Variants in APPL2 observed in about 807,000 individuals in gnomAD.
APPL2 encodes the protein adaptor protein, phosphotyrosine interacting with PH domain and leucine zipper 2, also known as DCC-interacting protein 13-beta.
Under a neutral mutation model 92.7 loss-of-function variants are expected in APPL2, and 84 were observed. The ratio of observed to expected loss-of-function variants is 0.91; its 90% CI spans 0.76 to 1.09. APPL2 has a LOEUF of 1.09. Ranked by LOEUF, APPL2 falls within the 50% of genes least tolerant of loss-of-function variation. The pLI is 0.00. For missense variants in APPL2, 736 were observed against 824.5 expected (o/e 0.89, Z 1.31); for synonymous variants, 291 against 291.0 (o/e 1.00, Z 0.00).
chr12:105,216,154 G>C (rs1263684210), intron 4 of APPL2, among the ~76,000 whole-genome samples: 1 of 152,080 alleles, frequency 6.6e-6, no homozygotes, highest in African/African-American at 2.4e-5. Context: ...TATAATACCT[G>C]GTTTCGTTTT....
intron 5 of APPL2, among the ~76,000 whole-genome samples, chr12:105,210,845 C>T (rs1889152991): frequency 6.6e-6 from 1 of 152,162 alleles, no homozygotes; most frequent in Non-Finnish European, 1.5e-5. Flanking sequence ...CCAAGAACAG[C>T]ATGACTTTAC....
chr12:105,205,276 T>C (rs367781053), intron 8 of APPL2, among the ~76,000 whole-genome samples: 48 of 152,318 alleles, frequency 3.2e-4, no homozygotes, highest in Middle Eastern at 3.4e-3. Flanking sequence ...TTAAAAATAA[T>C]GCATAGGGAA....
At chr12:105,186,622 T>TATATGATATATATGATATCG (rs1886641727) in intron 17 of APPL2, among the ~76,000 whole-genome samples, 5 of 125,678 alleles carry the variant, frequency 4.0e-5, no homozygotes, top group South Asian at 2.5e-4. Context: ...ATATCATATA[T>TATATGATATATATGATATCG]ATATCATATA....
chr12:105,195,680 G>A (rs1887578900), intron 11 of APPL2, 53 bp from the exon 12 acceptor site: 2 of 1,595,296 alleles, frequency 1.3e-6, no homozygotes, highest in Non-Finnish European at 1.7e-6. Context: ...CAGTGACTGG[G>A]AATTTCTCTA....
intron 9 of APPL2, among the ~76,000 whole-genome samples, chr12:105,201,806 G>GT (rs1237671338): frequency 4.6e-5 from 7 of 152,142 alleles, no homozygotes; most frequent in Admixed American, 3.3e-4. Flanking sequence ...TCACTATAGG[G>GT]TTAGGGAATA....
At chr12:105,175,753 A>G (rs1885472867) in intron 20 of APPL2, among the ~76,000 whole-genome samples, 1 of 95,370 alleles carries the variant, frequency 1.0e-5, no homozygotes, top group Non-Finnish European at 2.1e-5. Flanking sequence ...GTGGGTACTT[A>G]TCTATCATCT....
At chr12:105,218,557 A>G (rs1320810874) in intron 2 of APPL2, among the ~76,000 whole-genome samples, 2 of 152,238 alleles carry the variant, frequency 1.3e-5, no homozygotes, top group Non-Finnish European at 2.9e-5. Context: ...GGAGGCGCCA[A>G]CACGTGGAAG....
rs930090554 is a variant in APPL2, at chr12:105,203,533, T to C, written c.704+170A>G. On this transcript the variant is annotated intron_variant, in intron 9 of 20. Coordinates refer to ENST00000258530, the MANE Select transcript of APPL2 (RefSeq NM_018171.5). ...AAACTCTGCCAATGTGCCCCAGATA[T>C]TTATGAATATTGGCAGCTAAGGCAA... is the stretch of plus-strand genomic sequence containing the variant. The C allele has an allele frequency of 4.7e-6, 3 of 635,224 alleles. No individual in the cohort carries two copies. In the African/African-American group the frequency reaches 5.5e-5, roughly 12 times the overall value. 39.3% of individuals were successfully genotyped at this position (635,224 alleles called of 1,614,324 possible).
chr12:105,199,660 C>T lies in APPL2; in HGVS notation c.705-129G>A. On this transcript the variant is annotated intron_variant, in intron 9 of 20. Coordinates refer to ENST00000258530, the MANE Select transcript of APPL2 (RefSeq NM_018171.5). ...TACAGATGGAGCTGCCAGCCTCCTA[C>T]AGGGCCACAACCCTCTACCCTTAGG... 7 of 952,070 alleles carry T rather than the reference C, an allele frequency of 7.4e-6. No individual in the cohort carries two copies. The South Asian group carries it at 1.0e-4, about 14-fold the overall frequency. 59.0% of individuals were successfully genotyped at this position (952,070 alleles called of 1,614,324 possible).
intron 20 of APPL2, among the ~76,000 whole-genome samples, chr12:105,175,572 A>G (rs752342529): frequency 2.0e-5 from 3 of 152,326 alleles, no homozygotes; most frequent in Non-Finnish European, 2.9e-5. Context: ...GTCTTGTTCA[A>G]TTACACAAAC....
At chr12:105,215,963 C>G (rs899620927) in intron 4 of APPL2, among the ~76,000 whole-genome samples, 2 of 151,994 alleles carry the variant, frequency 1.3e-5, no homozygotes, top group East Asian at 3.9e-4. Context: ...GGAGGTGGAG[C>G]TTGCAGTGAG....
At chr12:105,181,588 C>G (rs1677184756) in intron 17 of APPL2, among the ~76,000 whole-genome samples, 1 of 152,112 alleles carries the variant, frequency 6.6e-6, no homozygotes, top group Non-Finnish European at 1.5e-5. Flanking sequence ...TCCATCTGGT[C>G]CTGGGCTTTT....
At chr12:105,224,017 C>A (rs1890314574) in intron 2 of APPL2, among the ~76,000 whole-genome samples, 1 of 152,176 alleles carries the variant, frequency 6.6e-6, no homozygotes, top group Non-Finnish European at 1.5e-5. Flanking sequence ...CAAGGTCACA[C>A]ACTTAACTCC....
Position 105,195,460 on chromosome 12 carries a change from C to T in APPL2, c.1137G>A (p.Leu379=), listed in dbSNP as rs767934517. Reference sequence around the variant, plus strand: ...TGATAATTACCTCAGGGTTGTCGGTCAGGTAGATCTGTCTGGAGATGTTGT... The same window carrying T: ...TGATAATTACCTCAGGGTTGTCGGTTAGGTAGATCTGTCTGGAGATGTTGT... ...AINNISRQIY[L]TDNPEAVAIK... is the part of the protein sequence containing the mutation. Residue 379 remains leucine (L), a synonymous_variant, in exon 13 of 21, where the codon CTG becomes CTA. Coordinates refer to ENST00000258530, the MANE Select transcript of APPL2 (RefSeq NM_018171.5). 29 of 1,614,108 alleles carry T rather than the reference C, an allele frequency of 1.8e-5. 2 individuals carry two copies. The highest frequency in any genetic ancestry group is 4.0e-5 in the African/African-American group (3 of 75,018).
At chr12:105,220,630 A>C (rs2440715) in intron 2 of APPL2, among the ~76,000 whole-genome samples, 139,637 of 152,268 alleles carry the variant, frequency 0.92, 64,237 homozygotes, top group East Asian at 1. Flanking sequence ...AACACATATA[A>C]CCACCCTCCA....
chr12:105,213,849 T>C (rs1889420206), intron 4 of APPL2, among the ~76,000 whole-genome samples: 1 of 152,226 alleles, frequency 6.6e-6, no homozygotes. Flanking sequence ...TGAAAACTCC[T>C]TGCAGAGCTA....
chr12:105,227,438 A>G (rs1890597681), intron 2 of APPL2, among the ~76,000 whole-genome samples: 1 of 152,210 alleles, frequency 6.6e-6, no homozygotes. Context: ...GTGTTTCCAG[A>G]GAGAATTACA....
At position 105,208,202 on chromosome 12, in the gene APPL2, G is replaced by GA; in HGVS notation, c.374-4dup. ...TAGATCCTTTAAAGTGCTTACTTCT[G>GA]AAAAGGAGAAAAGGGACCGTCTTAG... On this transcript the variant is annotated splice_region_variant and splice_polypyrimidine_tract_variant and intron_variant, in intron 5 of 20. Coordinates refer to ENST00000258530, the MANE Select transcript of APPL2 (RefSeq NM_018171.5). 1 of 1,614,164 alleles carries GA rather than the reference G, an allele frequency of 6.2e-7. No individual in the cohort carries two copies. Among genetic ancestry groups the GA allele is most frequent in the African/African-American group, 1.3e-5 (1 of 75,046 alleles).
intron 9 of APPL2, among the ~76,000 whole-genome samples, chr12:105,203,009 CT>C (rs1888346979): frequency 8.4e-6 from 1 of 118,376 alleles, no homozygotes; most frequent in Non-Finnish European, 1.7e-5. Flanking sequence ...TATTTGTCAA[CT>C]ACACACACAC....
Sources: allele counts gnomAD v4.1 joint callset (sites outside exome capture counted in the v4.1 genomes callset), GRCh38; gene constraint gnomAD v4.1.1; transcripts MANE v1.5; gene names NCBI Gene and HGNC (gene_info 2026-07-23, HGNC 2026-07-21).